TANC1: variants seen among roughly 807,000 people sequenced by gnomAD.
TANC1 encodes tetratricopeptide repeat, ankyrin repeat and coiled-coil containing 1.
Under a neutral mutation model 149.7 loss-of-function variants are expected in TANC1, and 77 were observed. That is an observed-to-expected ratio of 0.51 (90% CI 0.43 to 0.62). The LOEUF is 0.62. Among genes scored for constraint, TANC1 ranks in the 20% least tolerant of loss-of-function variants. TANC1 has a pLI of 0.00. For missense variants in TANC1, 1,985 were observed against 2,321.8 expected (o/e 0.85, Z 2.98); for synonymous variants, 854 against 925.0 (o/e 0.92, Z 1.39).
At position 159,196,620 on chromosome 2, in the gene TANC1, G is replaced by A; in HGVS notation, c.2992G>A (p.Asp998Asn). ...TKKGVRVDHL[D>N]KKGQCALVHS... ...CTCCTGCCCCCAGGTGGACCACTTGGATAAGAAGGGCCAGTGTGCGCTTGT... is the reference window on the plus strand; with the variant it reads ...CTCCTGCCCCCAGGTGGACCACTTGAATAAGAAGGGCCAGTGTGCGCTTGT... Residue 998 changes from aspartate to asparagine, a missense_variant, in exon 18 of 27, where the codon GAT (aspartate) becomes AAT (asparagine). Coordinates refer to ENST00000263635, the MANE Select transcript of TANC1 (RefSeq NM_033394.3). 1 of 1,600,670 alleles carries A rather than the reference G, an allele frequency of 6.2e-7. No homozygotes were observed. The highest frequency in any genetic ancestry group is 8.5e-7 in the Non-Finnish European group (1 of 1,171,232).
At chr2:159,032,122 G>A (rs1424365163) in intron 2 of TANC1, among the ~76,000 whole-genome samples, 3 of 152,300 alleles carry the variant, frequency 2.0e-5, no homozygotes, top group East Asian at 3.9e-4. Context: ...GATAGGGGGC[G>A]TGTCATTAAT....
intron 8 of TANC1, among the ~76,000 whole-genome samples, chr2:159,168,604 T>A (rs910609368): frequency 4.6e-5 from 7 of 152,006 alleles, no homozygotes; most frequent in Admixed American, 4.6e-4. Flanking sequence ...ACCCTGCTCT[T>A]TAATGCTTTA....
chr2:159,161,315 C>G (rs1403525728), intron 7 of TANC1, among the ~76,000 whole-genome samples: 1 of 152,166 alleles, frequency 6.6e-6, no homozygotes, highest in African/African-American at 2.4e-5. Context: ...AAAATAAAAC[C>G]AAACAAATCC....
chr2:158,998,755 T>C (rs2036364084), intron 1 of TANC1, among the ~76,000 whole-genome samples: 1 of 152,172 alleles, frequency 6.6e-6, no homozygotes. Context: ...GTGAGTCAGC[T>C]CTGGGACAGA....
chr2:159,165,722 C>G (rs57747280), intron 8 of TANC1, among the ~76,000 whole-genome samples: 21,749 of 152,256 alleles, frequency 0.14, 2,065 homozygotes, highest in East Asian at 0.46. Flanking sequence ...ATACAGAAAT[C>G]TCTTAGAAGT....
chr2:159,226,768 C>T (rs2150983418), intron 24 of TANC1: 1 of 152,316 alleles, frequency 6.6e-6, no homozygotes, highest in South Asian at 2.1e-4. Flanking sequence ...GCTTTGCAGA[C>T]TGTGTGGCCT....
intron 2 of TANC1, among the ~76,000 whole-genome samples, chr2:159,013,370 A>G (rs2037958431): frequency 1.3e-5 from 2 of 152,236 alleles, no homozygotes; most frequent in South Asian, 2.1e-4. Flanking sequence ...ACATGAGAGT[A>G]TTTATAATAG....
chr2:159,101,365 C>A (rs111632330), intron 4 of TANC1, among the ~76,000 whole-genome samples: 1 of 152,200 alleles, frequency 6.6e-6, no homozygotes, highest in Non-Finnish European at 1.5e-5. Flanking sequence ...TTGATGATTA[C>A]TTCCTGGATC....
rs186511867 is a variant in TANC1 at position 159,213,861 on chromosome 2, C to T, written c.3245-3636C>T. 7.2e-5 allele frequency among the ~76,000 whole-genome samples: 11 copies of T among 152,182 alleles called. No individual in the cohort carries two copies. In the East Asian group the frequency reaches 2.1e-3, roughly 29 times the overall value. On this transcript the variant is annotated intron_variant, in intron 19 of 26. Transcript: ENST00000263635. Reference sequence around the variant, plus strand: ...GTAACAGCGGCCGGGCACAGTGGCTCGCACCTGTAATCCCAGCACTTTGGG... The same window carrying T: ...GTAACAGCGGCCGGGCACAGTGGCTTGCACCTGTAATCCCAGCACTTTGGG...
At chr2:159,105,625 C>T (rs2047106473) in intron 4 of TANC1, among the ~76,000 whole-genome samples, 1 of 152,186 alleles carries the variant, frequency 6.6e-6, no homozygotes, top group East Asian at 1.9e-4. Flanking sequence ...TTGATGGTCG[C>T]TCCTGCTTTG....
intron 8 of TANC1, among the ~76,000 whole-genome samples, chr2:159,165,671 A>G (rs2054520215): frequency 6.6e-6 from 1 of 152,250 alleles, no homozygotes; most frequent in Non-Finnish European, 1.5e-5. Flanking sequence ...AGCAGAGAAC[A>G]CTCAGTGTTA....
chr2:159,136,411 T>C (rs1342929507), intron 5 of TANC1, 113 bp downstream of exon 5: 8 of 679,494 alleles, frequency 1.2e-5, no homozygotes. Context: ...AGAATGTATT[T>C]GGGAGGTATT....
intron 3 of TANC1, among the ~76,000 whole-genome samples, chr2:159,090,252 C>T (rs554264119): frequency 2.6e-5 from 4 of 152,178 alleles, no homozygotes; most frequent in South Asian, 2.1e-4. Flanking sequence ...ACACATATAC[C>T]CTCAAGGAAT....
chr2:159,165,984 A>G (rs2054565806), intron 8 of TANC1, among the ~76,000 whole-genome samples: 1 of 152,222 alleles, frequency 6.6e-6, no homozygotes, highest in Admixed American at 6.5e-5. Flanking sequence ...TTTGACAAAG[A>G]TTATAAAAAT....
At chr2:159,152,478 T>C (rs530492244) in intron 7 of TANC1, among the ~76,000 whole-genome samples, 37 of 151,544 alleles carry the variant, frequency 2.4e-4, no homozygotes, top group African/African-American at 8.7e-4. Flanking sequence ...TTTTTTTTTT[T>C]TTTTTTGCTT....
chr2:159,124,556 GCA>G (rs1195331569), intron 4 of TANC1, among the ~76,000 whole-genome samples: 1 of 152,108 alleles, frequency 6.6e-6, no homozygotes, highest in East Asian at 1.9e-4. Flanking sequence ...TCCTCCTTGT[GCA>G]AACAACAGAA....
chr2:159,011,201 AATG>A (rs1396225138), intron 2 of TANC1, among the ~76,000 whole-genome samples: 1 of 152,222 alleles, frequency 6.6e-6, no homozygotes, highest in East Asian at 1.9e-4. Context: ...TGGCTGTAAT[AATG>A]ATATCAGTGA....
chr2:159,137,776 A>T (rs1389188784), intron 5 of TANC1, among the ~76,000 whole-genome samples: 2 of 151,930 alleles, frequency 1.3e-5, no homozygotes, highest in African/African-American at 2.4e-5. Flanking sequence ...CTTCTTCCCC[A>T]CCCACCAAAG....
intron 5 of TANC1, chr2:159,148,825 G>C (rs1173579534): frequency 5.0e-6 from 1 of 200,532 alleles, no homozygotes; most frequent in East Asian, 1.3e-4. Flanking sequence ...ATGAAAGATA[G>C]GCCCTTTTCT....
Sources: gnomAD v4.1 joint callset for allele counts (sites outside exome capture counted in the v4.1 genomes callset) on GRCh38, gnomAD v4.1.1 for gene constraint, MANE v1.5 for transcripts, NCBI Gene and HGNC (gene_info 2026-07-23, HGNC 2026-07-21) for gene names.